ISLR2: variants seen among roughly 807,000 people sequenced by gnomAD.
ISLR2 encodes the protein immunoglobulin superfamily containing leucine rich repeat 2.
ISLR2 carries 16 observed loss-of-function variants against 25.5 expected under a neutral mutation model. The observed-to-expected ratio is 0.63, with a 90% confidence interval of 0.43 to 0.95. The LOEUF (loss-of-function observed/expected upper bound fraction) is 0.95, where lower values mean the gene tolerates loss of function less well. Among genes scored for constraint, ISLR2 ranks in the 40% least tolerant of loss-of-function variants. The pLI is 0.00. For synonymous variants in ISLR2, 508 were observed against 486.6 expected (o/e 1.04, Z -0.58); for missense variants, 883 against 1,030.7 (o/e 0.86, Z 1.96).
chr15:74,135,006 C>T lies in ISLR2; in HGVS notation c.*14C>T, dbSNP rs771730616. ...ACGGCAGGCTGAACCTCCGCCCGTC[C>T]GGCCCGCCCATTCCCGACCTCCACC... On this transcript the variant is annotated 3_prime_UTR_variant, in exon 3 of 3. Transcript: ENST00000453268. The T allele has an allele frequency of 1.2e-6, 2 of 1,605,938 alleles. No homozygotes were observed. The highest frequency in any genetic ancestry group is 1.7e-5 in the Admixed American group (1 of 59,778).
rs1202738175 is a variant in ISLR2, at chr15:74,132,766, T to C, written c.12T>C (p.Leu4=). ...CTGCAGGAGCCGCGATGTTCCCCCT[T>C]CGGGCCCTGTGGTTGGTCTGGGCGC... MFP[L]RALWLVWALL... is the part of the protein sequence containing the mutation. Residue 4 remains leucine, a synonymous_variant, in exon 3 of 3, where the codon CTT becomes CTC. Transcript: ENST00000453268. This position sits in a 1 kb window ranked among gnomAD's most constrained non-coding sequence, Gnocchi z 4.3. 2 of 1,609,260 alleles carry C rather than the reference T, an allele frequency of 1.2e-6. No individual in the cohort carries two copies. Among genetic ancestry groups the C allele is most frequent in the Admixed American group, 3.3e-5 (2 of 59,938 alleles).
intron 2 of ISLR2, among the ~76,000 whole-genome samples, chr15:74,114,026 C>T (rs2141931900): frequency 6.6e-6 from 1 of 152,364 alleles, no homozygotes; most frequent in South Asian, 2.1e-4. Flanking sequence ...CACATTTTAG[C>T]AGCCCTGAGC....
rs866046631 is a variant in ISLR2, at chr15:74,134,150, C to T, written c.1396C>T (p.Arg466Trp). 6.2e-7 allele frequency: 1 copy of T among 1,613,388 alleles called. No individual in the cohort carries two copies. The highest frequency in any genetic ancestry group is 8.5e-7 in the Non-Finnish European group (1 of 1,179,792). Residue 466 changes from arginine (R) to tryptophan (W), a missense_variant, in exon 3 of 3, where the codon CGG (arginine) becomes TGG (tryptophan). Arg to Trp is a moderately radical substitution (Grantham distance 101). This residue lies in a region of ISLR2 where 612 missense variants were observed against 642.8 expected (regional missense o/e 0.95). Transcript: ENST00000453268. ...GCGCTGTGGCAACGGGGACCCCTCTCGGTACGTTTCTAACCACGCGTTCAA... is the reference window on the plus strand; with the variant it reads ...GCGCTGTGGCAACGGGGACCCCTCTTGGTACGTTTCTAACCACGCGTTCAA... ...EQRCGNGDPS[R>W]YVSNHAFNQS...
At chr15:74,107,230 C>T (rs1186840285) in intron 2 of ISLR2, among the ~76,000 whole-genome samples, 1 of 152,230 alleles carries the variant, frequency 6.6e-6, no homozygotes, top group African/African-American at 2.4e-5. Context: ...GTCCACCAGG[C>T]ATCCCGGCAA....
At chr15:74,121,286 G>A (rs1270882653) in intron 2 of ISLR2, among the ~76,000 whole-genome samples, 1 of 152,136 alleles carries the variant, frequency 6.6e-6, no homozygotes, top group Non-Finnish European at 1.5e-5. Flanking sequence ...AATACATCAA[G>A]TTCCCAGCTG....
At chr15:74,109,071 A>C (rs985541886) in intron 2 of ISLR2, among the ~76,000 whole-genome samples, 1 of 152,240 alleles carries the variant, frequency 6.6e-6, no homozygotes, top group Non-Finnish European at 1.5e-5. Flanking sequence ...AAAAATTAAG[A>C]AATATAGAAA....
At position 74,135,326 on chromosome 15, in the gene ISLR2, G is replaced by A. The variant is rs2072546540; in HGVS notation, c.*334G>A. On this transcript the variant is annotated 3_prime_UTR_variant, in exon 3 of 3. Transcript: ENST00000453268. ...CGCGATTATCTGCGAAATCCACCCC[G>A]CAGCCCGCCCCACCGTGGGCTCTGG... is the stretch of plus-strand genomic sequence containing the variant. The A allele has an allele frequency of 3.0e-5, 9 of 299,202 alleles. No homozygotes were observed. Among genetic ancestry groups the A allele is most frequent in the Non-Finnish European group, 6.7e-6 (1 of 148,162 alleles). The allele number at this position is 299,202 out of a possible 1,614,324, so 18.5% of individuals were successfully genotyped here. A position where few individuals can be genotyped will look rare whatever the true frequency, so the allele number is the denominator to read the frequency against.
downstream of ISLR2, among the ~76,000 whole-genome samples, chr15:74,139,787 G>T (rs1392988496): frequency 6.6e-5 from 10 of 151,834 alleles, no homozygotes; most frequent in African/African-American, 2.4e-4. Context: ...TGCTGTGCTA[G>T]CTTCAATCTC....
Position 74,135,213 on chromosome 15 carries a change from C to A in ISLR2, c.*221C>A. The stretch of plus-strand genomic sequence containing the variant: ...GCCATTCTCCCTGCGGGCTGAATCC[C>A]CTTCCCCGCCAAGCACAGTGTTTAT... On this transcript the variant is annotated 3_prime_UTR_variant, in exon 3 of 3. Transcript: ENST00000453268. 1.7e-6 allele frequency: 1 copy of A among 604,832 alleles called. No individual in the cohort carries two copies. Among genetic ancestry groups the A allele is most frequent in the Non-Finnish European group, 3.0e-6 (1 of 333,610 alleles). The allele number at this position is 604,832 out of a possible 1,614,324, so 37.5% of individuals were successfully genotyped here.
chr15:74,141,197 G>T (rs2072609042), downstream of ISLR2, among the ~76,000 whole-genome samples: 2 of 152,216 alleles, frequency 1.3e-5, no homozygotes, highest in Non-Finnish European at 2.9e-5. Context: ...TTAAGTTTAA[G>T]TCCACATAGA....
upstream of ISLR2, chr15:74,129,126 C>T: frequency 2.2e-6 from 1 of 449,888 alleles, no homozygotes. This position sits in a 1 kb window ranked among gnomAD's most constrained non-coding sequence, Gnocchi z 4.5. Flanking sequence ...CCCGAGCAGG[C>T]GGTGTGAAGT....
chr15:74,119,732 T>A (rs2072238180), intron 2 of ISLR2, among the ~76,000 whole-genome samples: 1 of 152,220 alleles, frequency 6.6e-6, no homozygotes, highest in African/African-American at 2.4e-5. Context: ...AATTTTTATT[T>A]GTCAATTATA....
At chr15:74,124,361 GT>G (rs1466825730), upstream of ISLR2, among the ~76,000 whole-genome samples, 4 of 152,124 alleles carry the variant, frequency 2.6e-5, no homozygotes, top group African/African-American at 7.2e-5. Context: ...CCAGTGACTG[GT>G]TCAGAGATAA....
chr15:74,129,267 T>G (rs566103956), upstream of ISLR2: 29 of 327,658 alleles, frequency 8.9e-5, no homozygotes, highest in South Asian at 6.2e-4. This position sits in a 1 kb window ranked among gnomAD's most constrained non-coding sequence, Gnocchi z 4.5. Flanking sequence ...CATATTTAAT[T>G]TACAAAGCAG....
chr15:74,113,048 G>A (rs1427539687), intron 2 of ISLR2, among the ~76,000 whole-genome samples: 1 of 152,164 alleles, frequency 6.6e-6, no homozygotes, highest in Non-Finnish European at 1.5e-5. Context: ...GGTGGTTATG[G>A]TATGAAACTG....
intron 2 of ISLR2, among the ~76,000 whole-genome samples, chr15:74,115,138 TA>T (rs1246877893): frequency 1.3e-5 from 2 of 152,204 alleles, no homozygotes; most frequent in Admixed American, 6.5e-5. Context: ...ATATTCTCAC[TA>T]GTCAGAATGA....
chr15:74,140,535 T>G (rs1351250818), downstream of ISLR2, among the ~76,000 whole-genome samples: 1 of 152,186 alleles, frequency 6.6e-6, no homozygotes, highest in East Asian at 1.9e-4. Flanking sequence ...GGACCATGAC[T>G]ATGTAAGCAC....
chr15:74,118,146 C>T (rs1213857861), intron 2 of ISLR2, among the ~76,000 whole-genome samples: 1 of 151,938 alleles, frequency 6.6e-6, no homozygotes, highest in Non-Finnish European at 1.5e-5. Flanking sequence ...GGAAAGAGTA[C>T]AAAAGAGAGA....
At chr15:74,103,300 T>C (rs933686582) in intron 1 of ISLR2, among the ~76,000 whole-genome samples, 1 of 150,600 alleles carries the variant, frequency 6.6e-6, no homozygotes, top group Non-Finnish European at 1.5e-5. Flanking sequence ...AAGCTTTTCA[T>C]ATTGTGAAAA....
Sources: allele counts gnomAD v4.1 joint callset (sites outside exome capture counted in the v4.1 genomes callset), GRCh38; gene constraint gnomAD v4.1.1; regional missense constraint gnomAD v4.1.1; non-coding constraint Gnocchi (gnomAD v3.1); transcripts MANE v1.5; gene names NCBI Gene and HGNC (gene_info 2026-07-23, HGNC 2026-07-21).